Variants in FOXP2 observed in about 807,000 individuals in gnomAD.
FOXP2 encodes the protein forkhead box protein P2.
In FOXP2, 12 loss-of-function variants were observed where a neutral mutation model predicts 115.8. The ratio of observed to expected loss-of-function variants is 0.10; its 90% CI spans 0.07 to 0.17. The LOEUF is 0.17. Ranked by LOEUF, FOXP2 falls within the 10% of genes least tolerant of loss-of-function variation. The pLI is 1.00. For missense variants in FOXP2, 629 were observed against 843.5 expected, an observed-to-expected ratio of 0.75 and a Z score of 3.15; for synonymous variants, 328 against 297.7, an observed-to-expected ratio of 1.10 and a Z score of -1.05.
intron 3 of FOXP2, among the ~76,000 whole-genome samples, chr7:114,609,375 G>T (rs1408768043): frequency 1.3e-5 from 2 of 152,016 alleles, no homozygotes; most frequent in African/African-American, 4.8e-5. Context: ...ATATATTTGT[G>T]AAAACATTTA....
intron 2 of FOXP2, among the ~76,000 whole-genome samples, chr7:114,516,999 CT>C (rs1219000891): frequency 1.3e-5 from 2 of 151,730 alleles, no homozygotes; most frequent in Non-Finnish European, 2.9e-5. Flanking sequence ...TGACCTTTGT[CT>C]TTTAATAGTA....
chr7:114,292,144 G>A (rs1237224107), intron 2 of FOXP2, among the ~76,000 whole-genome samples: 1 of 151,002 alleles, frequency 6.6e-6, no homozygotes, highest in Non-Finnish European at 1.5e-5. Context: ...ATGTTCTGTT[G>A]GCTGGAATCA....
At chr7:114,303,827 T>A (rs1267660462) in intron 2 of FOXP2, among the ~76,000 whole-genome samples, 3 of 152,278 alleles carry the variant, frequency 2.0e-5, no homozygotes, top group East Asian at 1.9e-4. Context: ...TTAAACAAAG[T>A]ATATAAAAGT....
intron 1 of FOXP2, among the ~76,000 whole-genome samples, chr7:114,167,760 C>A (rs535157091): frequency 1.5e-4 from 23 of 152,010 alleles, no homozygotes; most frequent in Admixed American, 1.2e-3. Flanking sequence ...CATGGTGAAA[C>A]CCTGTCTCTA....
At chr7:114,398,994 TC>T (rs67068112) in intron 2 of FOXP2, among the ~76,000 whole-genome samples, 152,354 of 152,354 alleles carry the variant, frequency 1, 76,177 homozygotes, top group Non-Finnish European at 1. Flanking sequence ...TCACTGTTGT[TC>T]TCACTTTGCA....
At position 114,361,723 on chromosome 7, in the gene FOXP2, A is replaced by G. The variant is rs1791748929; in HGVS notation, c.-10-64779A>G. The stretch of plus-strand genomic sequence containing the variant: ...TCACTTTTTGCATTGTCATTAATTC[A>G]GAATGTTTTAAACATTATTAAAAAC... On this transcript the variant is annotated intron_variant, in intron 2 of 17. Coordinates refer to the FOXP2 transcript ENST00000634411. 4.6e-5 allele frequency among the ~76,000 whole-genome samples: 7 copies of G among 152,190 alleles called. 1 individual carries two copies. In the South Asian group the frequency reaches 1.4e-3, roughly 31 times the overall value.
At chr7:114,515,535 C>A (rs1306088792) in intron 2 of FOXP2, among the ~76,000 whole-genome samples, 6 of 152,132 alleles carry the variant, frequency 3.9e-5, no homozygotes. Context: ...AGTGTCTGTT[C>A]ATGTCCTTTG....
chr7:114,483,583 A>G (rs1160227121), intron 2 of FOXP2, among the ~76,000 whole-genome samples: 3 of 151,716 alleles, frequency 2.0e-5, no homozygotes, highest in Non-Finnish European at 4.4e-5. Context: ...TTTCAACTGG[A>G]TGACATCTTT....
chr7:114,226,560 A>G (rs1794754040), intron 1 of FOXP2, among the ~76,000 whole-genome samples: 1 of 152,138 alleles, frequency 6.6e-6, no homozygotes, highest in Non-Finnish European at 1.5e-5. Context: ...TAGCAAGAAG[A>G]GTTTGCTCTT....
chr7:114,145,877 TA>T (rs1172423716), intron 1 of FOXP2, among the ~76,000 whole-genome samples: 2 of 152,212 alleles, frequency 1.3e-5, no homozygotes, highest in Non-Finnish European at 2.9e-5. Context: ...AAGTTGTGTG[TA>T]AACATTATTT....
At chr7:114,113,844 G>C (rs990430015) in intron 1 of FOXP2, among the ~76,000 whole-genome samples, 1 of 152,012 alleles carries the variant, frequency 6.6e-6, no homozygotes, top group African/African-American at 2.4e-5. Flanking sequence ...ACAGTTAAAA[G>C]CCCAACATGA....
At chr7:114,257,597 G>A (rs771264779) in intron 1 of FOXP2, among the ~76,000 whole-genome samples, 2 of 151,702 alleles carry the variant, frequency 1.3e-5, no homozygotes, top group African/African-American at 2.4e-5. Flanking sequence ...GGCATTACAC[G>A]AGCCTGCCAC....
chr7:114,218,108 TC>T, intron 1 of FOXP2, among the ~76,000 whole-genome samples: 1 of 152,242 alleles, frequency 6.6e-6, no homozygotes, highest in Admixed American at 6.5e-5. Context: ...GAGGACTCTG[TC>T]CCCCATACCT....
chr7:114,099,742 TA>T (rs1799735160), intron 1 of FOXP2, among the ~76,000 whole-genome samples: 1 of 152,146 alleles, frequency 6.6e-6, no homozygotes, highest in Admixed American at 6.6e-5. Flanking sequence ...GTCTCTGATA[TA>T]AAATGGTATA....
intron 1 of FOXP2, among the ~76,000 whole-genome samples, chr7:114,226,796 T>G (rs1184296943): frequency 6.6e-6 from 1 of 152,140 alleles, no homozygotes; most frequent in African/African-American, 2.4e-5. Context: ...AATTTCTTGC[T>G]TTTATGCTGA....
intron 3 of FOXP2, among the ~76,000 whole-genome samples, chr7:114,564,066 AACAAACAT>A (rs927387064): frequency 7.9e-5 from 12 of 152,174 alleles, no homozygotes; most frequent in African/African-American, 2.6e-4. Flanking sequence ...CTTGTCAAAA[AACAAACAT>A]ACAAACAAAC....
At chr7:114,130,176 A>G (rs953712020) in intron 1 of FOXP2, among the ~76,000 whole-genome samples, 2 of 152,102 alleles carry the variant, frequency 1.3e-5, no homozygotes, top group African/African-American at 4.8e-5. Context: ...AAATAAAATT[A>G]GCTAGGCGTG....
In FOXP2 at chr7:114,406,553, T is replaced by C. The variant is rs115205455; in HGVS notation, c.-10-19949T>C. ...ATTAAAACACCATGCACTGTAAAAATAGTTGTTACAAAGTGAGGAAACTGC... is the reference window on the plus strand; with the variant it reads ...ATTAAAACACCATGCACTGTAAAAACAGTTGTTACAAAGTGAGGAAACTGC... On this transcript the variant is annotated intron_variant, in intron 2 of 17. Transcript: ENST00000634411. 5.8e-3 allele frequency among the ~76,000 whole-genome samples: 889 copies of C among 152,090 alleles called. 5 individuals carry two copies. Among genetic ancestry groups the C allele is most frequent in the African/African-American group, 0.02 (847 of 41,570 alleles).
At chr7:114,278,343 T>A (rs1381660158) in intron 1 of FOXP2, among the ~76,000 whole-genome samples, 2 of 151,994 alleles carry the variant, frequency 1.3e-5, no homozygotes, top group East Asian at 3.9e-4. Flanking sequence ...TCATAAGCCA[T>A]ATACCTGTGT....
Sources: gnomAD v4.1 joint callset for allele counts (sites outside exome capture counted in the v4.1 genomes callset) on GRCh38, gnomAD v4.1.1 for gene constraint, MANE v1.5 for transcripts, NCBI Gene and HGNC (gene_info 2026-07-23, HGNC 2026-07-21) for gene names.